ADARB1: variants seen among roughly 807,000 people sequenced by gnomAD.
ADARB1 encodes adenosine deaminase RNA specific B1, also known as double-stranded RNA-specific editase 1.
ADARB1 carries 10 observed loss-of-function variants against 52.4 expected under a neutral mutation model. That is an observed-to-expected ratio of 0.19 (90% CI 0.12 to 0.32). ADARB1 has a LOEUF of 0.32. ADARB1 is among the 10% of genes least tolerant of loss of function. The probability of loss-of-function intolerance (pLI) is 1.00; values close to 1 mark genes in which losing one functional copy is unlikely to be tolerated. For synonymous variants in ADARB1, 349 were observed against 371.1 expected (o/e 0.94, Z 0.68); for missense variants, 643 against 922.3 (o/e 0.70, Z 3.92).
chr21:45,085,890 C>T (rs1268298672), intron 1 of ADARB1, among the ~76,000 whole-genome samples: 2 of 152,218 alleles, frequency 1.3e-5, no homozygotes, highest in African/African-American at 4.8e-5. Flanking sequence ...TAGAGCCTCC[C>T]GTGCAGCTCA....
At chr21:45,181,726 C>T (rs144872653) in intron 5 of ADARB1, among the ~76,000 whole-genome samples, 15 of 152,358 alleles carry the variant, frequency 9.8e-5, no homozygotes, top group African/African-American at 2.9e-4. Flanking sequence ...GAAGCCAGGA[C>T]GCTGGAGCAC....
chr21:45,148,004 C>T (rs923359552), intron 2 of ADARB1, among the ~76,000 whole-genome samples: 3 of 152,192 alleles, frequency 2.0e-5, no homozygotes, highest in Non-Finnish European at 2.9e-5. Flanking sequence ...CGGTACAGCC[C>T]TCTCGAACTC....
At chr21:45,150,835 A>T (rs1362415832) in intron 2 of ADARB1, among the ~76,000 whole-genome samples, 1 of 152,206 alleles carries the variant, frequency 6.6e-6, no homozygotes, top group East Asian at 1.9e-4. Flanking sequence ...ATCCATGTCC[A>T]GGTTATTCCT....
chr21:45,079,916 C>T (rs1481307522), intron 1 of ADARB1, among the ~76,000 whole-genome samples: 1 of 152,110 alleles, frequency 6.6e-6, no homozygotes, highest in Non-Finnish European at 1.5e-5. Context: ...GAGGAATGGC[C>T]TGGGAGCTTT....
chr21:45,175,674 C>T (rs1458074028), intron 3 of ADARB1, 56 bp from the exon 4 acceptor site: 11 of 1,561,920 alleles, frequency 7.0e-6, no homozygotes. Context: ...ATAAATTTTG[C>T]ATTTACAAGA....
Position 45,208,635 on chromosome 21 carries a change from TGTGTGAGTGC to T in ADARB1, c.1747+3900_1747+3909del, listed in dbSNP as rs1244404988. On this transcript the variant is annotated intron_variant, in intron 9 of 10. Coordinates refer to ENST00000348831, the MANE Select transcript of ADARB1 (RefSeq NM_001112.4). The surrounding 1 kb of genome is among the most constrained non-coding windows in gnomAD (Gnocchi z 5.6). ...GTGTGTGTATGTGTGCGTGTGTGTGTGTGTGAGTGCATGTGAGTGTGTGCATGAGTGCGTG... is the reference window on the plus strand; with the variant it reads ...GTGTGTGTATGTGTGCGTGTGTGTGTATGTGAGTGTGTGCATGAGTGCGTG... Among the ~76,000 whole-genome samples, 1 of 151,830 alleles carries T rather than the reference TGTGTGAGTGC, an allele frequency of 6.6e-6. No individual in the cohort carries two copies. The highest frequency in any genetic ancestry group is 2.4e-5 in the African/African-American group (1 of 41,338).
chr21:45,148,074 C>G (rs2090096573), intron 2 of ADARB1, among the ~76,000 whole-genome samples: 1 of 152,244 alleles, frequency 6.6e-6, no homozygotes, highest in Non-Finnish European at 1.5e-5. Context: ...CTCCCAGCCC[C>G]CGTCACAAGC....
chr21:45,082,890 C>T lies in ADARB1; in HGVS notation c.-220+8097C>T, dbSNP rs554409513. Among the ~76,000 whole-genome samples the T allele has an allele frequency of 2.0e-5, 3 of 152,208 alleles. No homozygotes were observed. In the South Asian group the frequency reaches 6.2e-4, roughly 32 times the overall value. ...CTGAGCCTGTACATGGAAGACATCA[C>T]GTCATTCTCCTGCTCAGAGTCCCCC... On this transcript the variant is annotated intron_variant, in intron 1 of 10. Transcript: ENST00000348831.
rs767439520 is a variant in ADARB1, at chr21:45,182,762, A to G, written c.1247+9A>G. The G allele has an allele frequency of 4.5e-6, 7 of 1,570,490 alleles. No individual in the cohort carries two copies. In the South Asian group the frequency reaches 5.9e-5, roughly 13 times the overall value. On this transcript the variant is annotated intron_variant, in intron 6 of 10. Transcript: ENST00000348831. Reference sequence around the variant, plus strand: ...CTTGAGCTTTACTTAAAGTAAGTTTAGTAAACAAATAAGGACAGGAAGCTC... The same window carrying G: ...CTTGAGCTTTACTTAAAGTAAGTTTGGTAAACAAATAAGGACAGGAAGCTC...
rs1450293311 is a variant in ADARB1, at chr21:45,197,147, C to T, written c.1566-7408C>T. ...GAGCTGAGATTGCGCCACTGCACTC[C>T]AGCTTGGGCATCAGAATAAGACTCA... On this transcript the variant is annotated intron_variant, in intron 8 of 10. Coordinates refer to ENST00000348831, the MANE Select transcript of ADARB1 (RefSeq NM_001112.4). Among the ~76,000 whole-genome samples the T allele has an allele frequency of 2.6e-5, 4 of 152,196 alleles. No homozygotes were observed. In the East Asian group the frequency reaches 7.7e-4, roughly 29 times the overall value.
intron 2 of ADARB1, among the ~76,000 whole-genome samples, chr21:45,151,907 C>T (rs2090310966): frequency 6.6e-6 from 1 of 152,232 alleles, no homozygotes; most frequent in Non-Finnish European, 1.5e-5. Context: ...TTTGCCCCTC[C>T]CTTGGCTGTG....
intron 2 of ADARB1, among the ~76,000 whole-genome samples, chr21:45,147,794 G>A (rs1040439807): frequency 1.3e-4 from 20 of 152,184 alleles, no homozygotes; most frequent in Admixed American, 1.3e-3. Flanking sequence ...GCAACTGTGA[G>A]CCTTCCTGGC....
chr21:45,222,985 TA>T lies in ADARB1; in HGVS notation c.*790del. 1.1e-5 allele frequency: 11 copies of T among 985,492 alleles called. No homozygotes were observed. Among genetic ancestry groups the T allele is most frequent in the Non-Finnish European group, 1.3e-5 (11 of 829,944 alleles). The allele number at this position is 985,492 out of a possible 1,614,324, so 61.0% of individuals were successfully genotyped here. On this transcript the variant is annotated 3_prime_UTR_variant, in exon 11 of 11. Transcript: ENST00000348831. ...TGGAAAACTTTTCTCAGTTTACTTCTAAGTAATCACAGATAATACATGGCCA... is the reference window on the plus strand; with the variant it reads ...TGGAAAACTTTTCTCAGTTTACTTCTAGTAATCACAGATAATACATGGCCA...
intron 2 of ADARB1, among the ~76,000 whole-genome samples, chr21:45,168,306 G>T (rs1382330223): frequency 6.6e-6 from 1 of 151,976 alleles, no homozygotes; most frequent in African/African-American, 2.4e-5. Flanking sequence ...AGGGACGTTT[G>T]CAGAGAAAAA....
chr21:45,166,406 C>T (rs1300701753), intron 2 of ADARB1, among the ~76,000 whole-genome samples: 4 of 152,116 alleles, frequency 2.6e-5, no homozygotes, highest in Non-Finnish European at 4.4e-5. Flanking sequence ...TCTTCCATGT[C>T]GGCACCCAGT....
chr21:45,148,319 C>G (rs1044189588), intron 2 of ADARB1, among the ~76,000 whole-genome samples: 1 of 152,188 alleles, frequency 6.6e-6, no homozygotes, highest in African/African-American at 2.4e-5. Context: ...GCTGATTGCC[C>G]GTGGGTGTCA....
At chr21:45,141,606 A>G (rs1414799021) in intron 2 of ADARB1, among the ~76,000 whole-genome samples, 1 of 151,906 alleles carries the variant, frequency 6.6e-6, no homozygotes, top group Non-Finnish European at 1.5e-5. Context: ...GCATAGTACC[A>G]CCTGAGCTAC....
chr21:45,093,780 G>A (rs423398), intron 1 of ADARB1, among the ~76,000 whole-genome samples: 149,663 of 152,326 alleles, frequency 0.98, 73,523 homozygotes, highest in East Asian at 1. Context: ...TGGATTTTCA[G>A]ATAAAGTCCC....
intron 2 of ADARB1, among the ~76,000 whole-genome samples, chr21:45,155,474 G>A (rs1018353382): frequency 3.9e-5 from 6 of 152,018 alleles, no homozygotes; most frequent in Admixed American, 6.6e-5. Context: ...GGACGGGATG[G>A]CATTTATCCA....
Sources: allele counts gnomAD v4.1 joint callset (sites outside exome capture counted in the v4.1 genomes callset), GRCh38; gene constraint gnomAD v4.1.1; non-coding constraint Gnocchi (gnomAD v3.1); transcripts MANE v1.5; gene names NCBI Gene and HGNC (gene_info 2026-07-23, HGNC 2026-07-21).